The following TMEM182 variants were observed in gnomAD, a reference collection of about 807,000 sequenced individuals.
TMEM182 encodes the protein transmembrane protein 182.
TMEM182 carries 20 observed loss-of-function variants against 26.8 expected under a neutral mutation model. The observed-to-expected ratio is 0.75, with a 90% CI of 0.53 to 1.09. The LOEUF is 1.09. Ranked by LOEUF, TMEM182 falls within the 50% of genes least tolerant of loss-of-function variation. The pLI is 0.00. For synonymous variants in TMEM182, 109 were observed against 102.2 expected (o/e 1.07, Z -0.40); for missense variants, 277 against 275.5 (o/e 1.01, Z -0.04).
chr2:102,756,580 G>A (rs10179875), intron 1 of TMEM182, among the ~76,000 whole-genome samples: 24,642 of 149,282 alleles, frequency 0.17, 2,114 homozygotes, highest in East Asian at 0.19. Flanking sequence ...GTGGTGGTGC[G>A]TGCCTGTAGT....
chr2:102,818,055 G>A (rs1682812432), downstream of TMEM182, among the ~76,000 whole-genome samples: 1 of 152,136 alleles, frequency 6.6e-6, no homozygotes, highest in Non-Finnish European at 1.5e-5. Flanking sequence ...AAAATTGGCT[G>A]GATATGTCTG....
At chr2:102,833,372 T>C (rs985541715) in intron 3 of TMEM182, among the ~76,000 whole-genome samples, 5 of 152,186 alleles carry the variant, frequency 3.3e-5, no homozygotes, top group African/African-American at 1.2e-4. Context: ...TTCTAATTTC[T>C]CCCTGGAATT....
intron 4 of TMEM182, among the ~76,000 whole-genome samples, chr2:102,812,682 A>T (rs1217123433): frequency 2.0e-5 from 3 of 152,224 alleles, no homozygotes; most frequent in African/African-American, 7.2e-5. Flanking sequence ...TCAATTTTTG[A>T]AAAGATAAAT....
At chr2:102,807,252 T>C (rs1272302346) in intron 4 of TMEM182, among the ~76,000 whole-genome samples, 2 of 152,184 alleles carry the variant, frequency 1.3e-5, no homozygotes, top group Non-Finnish European at 1.5e-5. Flanking sequence ...AGCAGAATGA[T>C]GAAGTGTGTG....
intron 4 of TMEM182, among the ~76,000 whole-genome samples, chr2:102,802,130 C>T (rs1383883326): frequency 1.3e-5 from 2 of 152,286 alleles, no homozygotes; most frequent in African/African-American, 4.8e-5. Context: ...GAATTGGACG[C>T]TGTCTGTATT....
intron 4 of TMEM182, among the ~76,000 whole-genome samples, chr2:102,808,837 T>C (rs1157695398): frequency 1.3e-5 from 2 of 152,186 alleles, no homozygotes; most frequent in Non-Finnish European, 2.9e-5. Flanking sequence ...AACAAAAGAC[T>C]GTATACTGCT....
chr2:102,791,557 T>C (rs1681639165), intron 3 of TMEM182, among the ~76,000 whole-genome samples: 1 of 152,202 alleles, frequency 6.6e-6, no homozygotes, highest in Admixed American at 6.5e-5. Context: ...CAAGGAGCTC[T>C]TCATAGGCCA....
At chr2:102,774,824 C>T (rs1680840427) in intron 3 of TMEM182, among the ~76,000 whole-genome samples, 1 of 152,010 alleles carries the variant, frequency 6.6e-6, no homozygotes, top group African/African-American at 2.4e-5. Context: ...TGTCTCTATT[C>T]CTCTGCTAGT....
chr2:102,837,572 TGTG>T, intron 3 of TMEM182, among the ~76,000 whole-genome samples: 1 of 151,918 alleles, frequency 6.6e-6, no homozygotes, highest in Non-Finnish European at 1.5e-5. Flanking sequence ...TGGGGGCTGT[TGTG>T]GTGTCACCTT....
intron 4 of TMEM182, 123 bp downstream of exon 4, chr2:102,798,123 T>C: frequency 7.9e-7 from 1 of 1,263,538 alleles, no homozygotes; most frequent in Non-Finnish European, 1.1e-6. Flanking sequence ...TTGTATACAA[T>C]ACTTCTTGAA....
At chr2:102,760,039 G>A (rs555724074), upstream of TMEM182, among the ~76,000 whole-genome samples, 1 of 152,284 alleles carries the variant, frequency 6.6e-6, no homozygotes, top group South Asian at 2.1e-4. Flanking sequence ...ATTGTTGTGA[G>A]GCCATTATTA....
chr2:102,795,632 A>G (rs1243011309), intron 3 of TMEM182, among the ~76,000 whole-genome samples: 1 of 152,078 alleles, frequency 6.6e-6, no homozygotes, highest in Non-Finnish European at 1.5e-5. Flanking sequence ...GTTCTTAAAG[A>G]CTTTGCTATG....
chr2:102,779,435 C>G (rs1322939064), intron 3 of TMEM182, among the ~76,000 whole-genome samples: 1 of 152,130 alleles, frequency 6.6e-6, no homozygotes, highest in African/African-American at 2.4e-5. Flanking sequence ...ATTTCTTCTG[C>G]TCTTCTGAGA....
intron 3 of TMEM182, among the ~76,000 whole-genome samples, chr2:102,832,738 G>GTTT (rs1226312239): frequency 6.6e-6 from 1 of 152,128 alleles, no homozygotes; most frequent in Non-Finnish European, 1.5e-5. Flanking sequence ...GACAGTAATT[G>GTTT]TTTTCAGAAA....
At chr2:102,842,185 G>C (rs552106554) in intron 3 of TMEM182, among the ~76,000 whole-genome samples, 1 of 151,984 alleles carries the variant, frequency 6.6e-6, no homozygotes, top group Middle Eastern at 3.4e-3. Context: ...ATGACTACTC[G>C]CCATCTCTGC....
chr2:102,811,188 C>T (rs542393744), intron 4 of TMEM182, among the ~76,000 whole-genome samples: 2 of 151,912 alleles, frequency 1.3e-5, no homozygotes, highest in South Asian at 2.1e-4. Flanking sequence ...AAAGTACAGG[C>T]CTGTGATTTT....
chr2:102,750,114 T>G (rs1679836047), intron 1 of TMEM182, among the ~76,000 whole-genome samples: 2 of 152,200 alleles, frequency 1.3e-5, no homozygotes, highest in South Asian at 2.1e-4. Context: ...TTTGCTTAAG[T>G]AGTATGCTAC....
At position 102,816,004 on chromosome 2, in the gene TMEM182, T is replaced by C. The variant is rs1314986014; in HGVS notation, c.*1036T>C. ...GATTCCTTTAATTACTGTCCCTCAATTTCTTCATCTTTACAATAGATATAT... is the reference window on the plus strand; with the variant it reads ...GATTCCTTTAATTACTGTCCCTCAACTTCTTCATCTTTACAATAGATATAT... On this transcript the variant is annotated 3_prime_UTR_variant, in exon 5 of 5. Transcript: ENST00000412401. The C allele has an allele frequency of 3.0e-6, 3 of 984,924 alleles. No individual in the cohort carries two copies. The highest frequency in any genetic ancestry group is 3.6e-6 in the Non-Finnish European group (3 of 829,576). 61.0% of individuals were successfully genotyped at this position (984,924 alleles called of 1,614,324 possible). A position where few individuals can be genotyped will look rare whatever the true frequency, so the allele number is the denominator to read the frequency against.
chr2:102,737,829 A>G (rs1679404465), intron 1 of TMEM182, among the ~76,000 whole-genome samples: 1 of 152,196 alleles, frequency 6.6e-6, no homozygotes, highest in South Asian at 2.1e-4. Flanking sequence ...AGAACTTGTT[A>G]TTTATTCCTC....
Sources: allele counts gnomAD v4.1 joint callset (sites outside exome capture counted in the v4.1 genomes callset), GRCh38; gene constraint gnomAD v4.1.1; transcripts MANE v1.5; gene names NCBI Gene and HGNC (gene_info 2026-07-23, HGNC 2026-07-21).